CADPS: variants seen among roughly 807,000 people sequenced by gnomAD.
CADPS encodes calcium dependent secretion activator, also known as calcium-dependent secretion activator 1.
Under a neutral mutation model 167.3 loss-of-function variants are expected in CADPS, and 57 were observed. That is an observed-to-expected ratio of 0.34 (90% CI 0.28 to 0.42). CADPS has a LOEUF of 0.42. Among genes scored for constraint, CADPS ranks in the 20% least tolerant of loss-of-function variants. The pLI is 1.00. For synonymous variants in CADPS, 676 were observed against 635.3 expected (o/e 1.06, Z -0.96); for missense variants, 1,414 against 1,738.1 (o/e 0.81, Z 3.32).
At chr3:62,525,601 GA>G (rs1290271148) in intron 13 of CADPS, among the ~76,000 whole-genome samples, 4 of 147,788 alleles carry the variant, frequency 2.7e-5, no homozygotes, top group Admixed American at 1.3e-4. Flanking sequence ...TAGTAAAACA[GA>G]GCTATCCCCA....
At chr3:62,720,485 A>T in intron 3 of CADPS, among the ~76,000 whole-genome samples, 1 of 152,102 alleles carries the variant, frequency 6.6e-6, no homozygotes, top group East Asian at 1.9e-4. Flanking sequence ...ACATGCATGT[A>T]CCACACTCAG....
chr3:62,612,505 C>T (rs2061641193), intron 6 of CADPS, among the ~76,000 whole-genome samples: 1 of 152,196 alleles, frequency 6.6e-6, no homozygotes, highest in African/African-American at 2.4e-5. Context: ...TGGGACTTTC[C>T]AGGCTAGTTC....
intron 3 of CADPS, among the ~76,000 whole-genome samples, chr3:62,728,182 T>C (rs928939596): frequency 6.6e-6 from 1 of 151,758 alleles, no homozygotes. Context: ...AAAACCGCAA[T>C]TACTTTTGCA....
At chr3:62,869,167 G>A (rs1260373064) in intron 1 of CADPS, among the ~76,000 whole-genome samples, 1 of 152,018 alleles carries the variant, frequency 6.6e-6, no homozygotes, top group African/African-American at 2.4e-5. Context: ...AAAGATTTTA[G>A]AGCATTTCAG....
chr3:62,685,888 G>A (rs1046232502), intron 3 of CADPS, among the ~76,000 whole-genome samples: 2 of 152,086 alleles, frequency 1.3e-5, no homozygotes, highest in African/African-American at 4.8e-5. Flanking sequence ...CCTGGTACCT[G>A]ACTGTGGCCT....
intron 17 of CADPS, among the ~76,000 whole-genome samples, chr3:62,509,057 C>T (rs994659569): frequency 6.6e-6 from 1 of 151,790 alleles, no homozygotes; most frequent in South Asian, 2.1e-4. Flanking sequence ...AATCTCAGCA[C>T]TTTAGGAGGC....
intron 1 of CADPS, among the ~76,000 whole-genome samples, chr3:62,872,088 C>G (rs988447761): frequency 2.0e-5 from 3 of 150,844 alleles, no homozygotes; most frequent in African/African-American, 7.4e-5. Flanking sequence ...CTCTCTCTGA[C>G]CTCCATATCA....
rs371121024 is a variant in CADPS, at chr3:62,684,944, T to G, written c.889-22550A>C. 2.4e-4 allele frequency among the ~76,000 whole-genome samples: 36 copies of G among 152,150 alleles called. 2 individuals carry two copies. The South Asian group carries it at 7.3e-3, about 31-fold the overall frequency. ...TTCTTGATAGAAGTGAAAGGAACTG[T>G]AAGAAAACCCTATGGCAGGTTAAGA... On this transcript the variant is annotated intron_variant, in intron 3 of 29. Coordinates refer to ENST00000383710, the MANE Select transcript of CADPS (RefSeq NM_003716.4).
At chr3:62,870,690 T>A (rs1256129894) in intron 1 of CADPS, among the ~76,000 whole-genome samples, 2 of 152,180 alleles carry the variant, frequency 1.3e-5, no homozygotes, top group African/African-American at 2.4e-5. Context: ...TACCTATGTA[T>A]GTAGACACAA....
chr3:62,519,430 T>A (rs116568229), intron 13 of CADPS, among the ~76,000 whole-genome samples: 1,547 of 152,292 alleles, frequency 0.01, 19 homozygotes, highest in African/African-American at 0.035. Context: ...CCTTCTTTTT[T>A]GATAATAAAA....
chr3:62,644,700 C>T (rs1325452350), intron 6 of CADPS, among the ~76,000 whole-genome samples: 1 of 152,140 alleles, frequency 6.6e-6, no homozygotes, highest in East Asian at 1.9e-4. Context: ...GACCTTTGCA[C>T]AAGCTGTTTA....
Position 62,804,438 on chromosome 3 carries a change from T to TGA in CADPS, c.442-38456_442-38455dup, listed in dbSNP as rs1211145092. Reference sequence around the variant, plus strand: ...GAGTTGGGTGAGAGGGGTGAGTGACTGAGAGAGAGAGGAAATACATTCCCA... The same window carrying TGA: ...GAGTTGGGTGAGAGGGGTGAGTGACTGAGAGAGAGAGAGGAAATACATTCCCA... On this transcript the variant is annotated intron_variant, in intron 1 of 29. Transcript: ENST00000383710. 2.0e-5 allele frequency among the ~76,000 whole-genome samples: 3 copies of TGA among 152,026 alleles called. No homozygotes were observed. The South Asian group carries it at 6.2e-4, about 32-fold the overall frequency.
At chr3:62,599,817 T>A (rs1316022497) in intron 6 of CADPS, among the ~76,000 whole-genome samples, 6 of 6,772 alleles carry the variant, frequency 8.9e-4, no homozygotes, top group African/African-American at 2.2e-3. Context: ...AAATAATATA[T>A]TATATATTAT....
chr3:62,728,037 C>T (rs929556935), intron 3 of CADPS, among the ~76,000 whole-genome samples: 2 of 151,744 alleles, frequency 1.3e-5, no homozygotes, highest in African/African-American at 4.9e-5. Flanking sequence ...CTCTACAAGG[C>T]CAATAGAGCA....
chr3:62,530,688 C>A, intron 13 of CADPS: 1 of 1,288,240 alleles, frequency 7.8e-7, no homozygotes, highest in Non-Finnish European at 1.0e-6. Context: ...GTTTTGGAAT[C>A]TTTTCTTTTT....
chr3:62,829,515 A>G (rs1489552191), intron 1 of CADPS, among the ~76,000 whole-genome samples: 1 of 152,112 alleles, frequency 6.6e-6, no homozygotes, highest in Non-Finnish European at 1.5e-5. Flanking sequence ...GTTATAGTGA[A>G]TATTGTATGA....
At chr3:62,770,726 G>A (rs1460353214) in intron 1 of CADPS, among the ~76,000 whole-genome samples, 3 of 152,092 alleles carry the variant, frequency 2.0e-5, no homozygotes, top group Non-Finnish European at 2.9e-5. Context: ...ATGCCCAATC[G>A]GTATAAGAGA....
chr3:62,424,934 A>C (rs370817794), intron 28 of CADPS, among the ~76,000 whole-genome samples: 1 of 152,222 alleles, frequency 6.6e-6, no homozygotes, highest in Non-Finnish European at 1.5e-5. Context: ...GAAGGCTTAC[A>C]TATGCCGGAC....
At chr3:62,804,691 A>G (rs1236341472) in intron 1 of CADPS, among the ~76,000 whole-genome samples, 1 of 152,126 alleles carries the variant, frequency 6.6e-6, no homozygotes, top group Non-Finnish European at 1.5e-5. Context: ...TTGCAAATCT[A>G]TAGCACGTAT....
Sources: gnomAD v4.1 joint callset for allele counts (sites outside exome capture counted in the v4.1 genomes callset) on GRCh38, gnomAD v4.1.1 for gene constraint, MANE v1.5 for transcripts, NCBI Gene and HGNC (gene_info 2026-07-23, HGNC 2026-07-21) for gene names.